Variants in CACNA1B observed in about 807,000 individuals in gnomAD.
CACNA1B encodes the protein voltage-dependent N-type calcium channel subunit alpha-1B.
Under a neutral mutation model 247.2 loss-of-function variants are expected in CACNA1B, and 70 were observed. The ratio of observed to expected loss-of-function variants is 0.28; its 90% CI spans 0.23 to 0.35. The LOEUF (loss-of-function observed/expected upper bound fraction) is 0.35. CACNA1B is among the 10% of genes least tolerant of loss of function. The pLI is 1.00. For synonymous variants in CACNA1B, 1,231 were observed against 1,294.4 expected (o/e 0.95, Z 1.05); for missense variants, 2,367 against 3,197.4 (o/e 0.74, Z 6.26).
chr9:137,978,170 G>C (rs1259339062), intron 12 of CACNA1B, among the ~76,000 whole-genome samples: 1 of 142,722 alleles, frequency 7.0e-6, no homozygotes, highest in Non-Finnish European at 1.5e-5. Flanking sequence ...CCCCCAGGAA[G>C]GAGTGACAGG....
chr9:138,055,385 C>T (rs1015418970), intron 26 of CACNA1B, among the ~76,000 whole-genome samples: 2 of 152,132 alleles, frequency 1.3e-5, no homozygotes, highest in African/African-American at 4.8e-5. Flanking sequence ...TTGCCTCGGC[C>T]TCCTAGAGTG....
At chr9:137,912,514 C>A (rs1456214388) in intron 3 of CACNA1B, among the ~76,000 whole-genome samples, 1 of 152,166 alleles carries the variant, frequency 6.6e-6, no homozygotes, top group African/African-American at 2.4e-5. Flanking sequence ...AGGATTGACA[C>A]CATCCGTGAG....
chr9:137,915,300 G>C, intron 5 of CACNA1B, among the ~76,000 whole-genome samples: 1 of 152,224 alleles, frequency 6.6e-6, no homozygotes, highest in Non-Finnish European at 1.5e-5. Context: ...GTGAGGTGTG[G>C]CATCTTCTGA....
chr9:138,020,191 C>G lies in CACNA1B; in HGVS notation c.2268-2820C>G, dbSNP rs1041132492. Among the ~76,000 whole-genome samples the G allele has an allele frequency of 6.6e-6, 1 of 152,008 alleles. No individual in the cohort carries two copies. Among genetic ancestry groups the G allele is most frequent in the Non-Finnish European group, 1.5e-5 (1 of 68,006 alleles). ...TGTCAGCAGTTCCGGGTTGTCTGAG[C>G]CCAGAGACCTCAAAGCAGGGCCACA... On this transcript the variant is annotated intron_variant, in intron 18 of 46. Coordinates refer to ENST00000371372, the MANE Select transcript of CACNA1B (RefSeq NM_000718.4). This position sits in a 1 kb window ranked among gnomAD's most constrained non-coding sequence, Gnocchi z 4.1.
chr9:137,947,096 G>A lies in CACNA1B; in HGVS notation c.967-5178G>A, dbSNP rs980195611. Among the ~76,000 whole-genome samples the A allele has an allele frequency of 3.9e-5, 6 of 152,222 alleles. No individual in the cohort carries two copies. The East Asian group carries it at 1.2e-3, about 29-fold the overall frequency. On this transcript the variant is annotated intron_variant, in intron 6 of 46. Transcript: ENST00000371372. ...ACTACTCTCTAGAGGTTTCCCATTGGTTACTTGGTTACACTCTATGTAAAT... is the reference window on the plus strand; with the variant it reads ...ACTACTCTCTAGAGGTTTCCCATTGATTACTTGGTTACACTCTATGTAAAT...
At chr9:138,079,841 C>T (rs1444280824) in intron 36 of CACNA1B, among the ~76,000 whole-genome samples, 1 of 148,546 alleles carries the variant, frequency 6.7e-6, no homozygotes, top group East Asian at 2.0e-4. Flanking sequence ...CGCCACTATA[C>T]TCCAGCCTGG....
intron 15 of CACNA1B, among the ~76,000 whole-genome samples, chr9:137,989,630 G>T (rs1958408579): frequency 6.6e-6 from 1 of 152,184 alleles, no homozygotes; most frequent in Non-Finnish European, 1.5e-5. Flanking sequence ...ATGCCAGAGG[G>T]TCATGGAGAA....
At position 137,913,734 on chromosome 9, in the gene CACNA1B, G is replaced by T. The variant is rs574043534; in HGVS notation, c.622+463G>T. Among the ~76,000 whole-genome samples the T allele has an allele frequency of 6.6e-6, 1 of 152,226 alleles. No individual in the cohort carries two copies. Among genetic ancestry groups the T allele is most frequent in the South Asian group, 2.1e-4 (1 of 4,834 alleles). On this transcript the variant is annotated intron_variant, in intron 4 of 46. Transcript: ENST00000371372. The surrounding 1 kb of genome is among the most constrained non-coding windows in gnomAD (Gnocchi z 5.2). ...CTGAAGTGGGCTGCCCACAGAGCCTGCCATGAGCAGGAGGATGGCCAGGGT... is the reference window on the plus strand; with the variant it reads ...CTGAAGTGGGCTGCCCACAGAGCCTTCCATGAGCAGGAGGATGGCCAGGGT...
intron 20 of CACNA1B, among the ~76,000 whole-genome samples, chr9:138,039,375 G>T (rs1443631691): frequency 6.6e-6 from 1 of 151,914 alleles, no homozygotes; most frequent in African/African-American, 2.4e-5. Flanking sequence ...AAATGGTATT[G>T]TTTAAAAGTT....
Position 137,899,019 on chromosome 9 carries a change from G to A in CACNA1B, c.531-14161G>A, listed in dbSNP as rs962538211. 8.6e-5 allele frequency among the ~76,000 whole-genome samples: 13 copies of A among 151,854 alleles called. No individual in the cohort carries two copies. The highest frequency in any genetic ancestry group is 3.1e-4 in the African/African-American group (13 of 41,350). ...ACTCCTGGACTCAAGCAGTCCTCCC[G>A]CCTCAGCTTTCCAAAGTGCTGGGAT... On this transcript the variant is annotated intron_variant, in intron 3 of 46. Coordinates refer to ENST00000371372, the MANE Select transcript of CACNA1B (RefSeq NM_000718.4). The surrounding 1 kb of genome is among the most constrained non-coding windows in gnomAD (Gnocchi z 5.0).
At chr9:138,090,411 G>T (rs1960836472) in intron 36 of CACNA1B, among the ~76,000 whole-genome samples, 1 of 151,852 alleles carries the variant, frequency 6.6e-6, no homozygotes, top group Admixed American at 6.6e-5. Context: ...ACTCAAAATG[G>T]ATCAAAGACT....
rs35987844 is a variant in CACNA1B, at chr9:138,121,417, C to CTTTT, written c.6490-37_6490-34dup. 4.7e-5 allele frequency: 41 copies of CTTTT among 866,578 alleles called. No individual in the cohort carries two copies. Among genetic ancestry groups the CTTTT allele is most frequent in the Admixed American group, 2.0e-4 (6 of 29,632 alleles). The allele number at this position is 866,578 out of a possible 1,614,324, so 53.7% of individuals were successfully genotyped here. On this transcript the variant is annotated intron_variant, in intron 46 of 46. Transcript: ENST00000371372. The surrounding 1 kb of genome is among the most constrained non-coding windows in gnomAD (Gnocchi z 6.8). ...TGATGTGCTCTGTCTGTTGGTTCGG[C>CTTTT]TTTTTTTTTTTTTTTTTTACCTCTG...
intron 6 of CACNA1B, among the ~76,000 whole-genome samples, chr9:137,944,833 A>G (rs1405066859): frequency 6.6e-6 from 1 of 152,030 alleles, no homozygotes; most frequent in East Asian, 1.9e-4. Flanking sequence ...CTTAGCTGGA[A>G]CCCCGAATTT....
At position 138,123,543 on chromosome 9, in the gene CACNA1B, CAAAG is replaced by C. The variant is rs899264546; in HGVS notation, c.*1548_*1551del. 61 of 143,236 alleles carry C rather than the reference CAAAG, an allele frequency of 4.3e-4. No homozygotes were observed. Among genetic ancestry groups the C allele is most frequent in the African/African-American group, 1.4e-3 (55 of 38,226 alleles). The allele number at this position is 143,236 out of a possible 1,614,324, so 8.9% of individuals were successfully genotyped here. ...TTGGCTTCTACCCCATGATTCTCCTCAAAGAAATTGTGTGTGATGTGTGTGTGTG... is the reference window on the plus strand; with the variant it reads ...TTGGCTTCTACCCCATGATTCTCCTCAAATTGTGTGTGATGTGTGTGTGTG... On this transcript the variant is annotated 3_prime_UTR_variant, in exon 47 of 47. Coordinates refer to ENST00000371372, the MANE Select transcript of CACNA1B (RefSeq NM_000718.4).
In CACNA1B at chr9:138,054,066, A is replaced by G; in HGVS notation, c.3968+60A>G. On this transcript the variant is annotated intron_variant, in intron 26 of 46. Transcript: ENST00000371372. The surrounding 1 kb of genome is among the most constrained non-coding windows in gnomAD (Gnocchi z 4.6). ...GCCCCATGATGCAGACAACACTGGG[A>G]GTTCCCTTGGGACCAGGTGGAGCTG... 6.6e-7 allele frequency: 1 copy of G among 1,517,656 alleles called. No homozygotes were observed. Among genetic ancestry groups the G allele is most frequent in the Non-Finnish European group, 9.1e-7 (1 of 1,095,068 alleles). 94.0% of individuals were successfully genotyped at this position (1,517,656 alleles called of 1,614,324 possible).
intron 41 of CACNA1B, 34 bp downstream of exon 41, chr9:138,114,524 G>A: frequency 9.0e-7 from 1 of 1,110,970 alleles, no homozygotes; most frequent in African/African-American, 1.5e-5. Flanking sequence ...CAGGAAAACT[G>A]TGATGCCTCC....
At chr9:137,923,817 CTT>C (rs1211747605) in intron 6 of CACNA1B, among the ~76,000 whole-genome samples, 3 of 152,116 alleles carry the variant, frequency 2.0e-5, no homozygotes, top group East Asian at 3.8e-4. Flanking sequence ...GGTGGTGACA[CTT>C]TTTTATTTTA....
At chr9:137,930,730 T>A (rs537388020) in intron 6 of CACNA1B, among the ~76,000 whole-genome samples, 2 of 152,302 alleles carry the variant, frequency 1.3e-5, no homozygotes, top group East Asian at 3.9e-4. Flanking sequence ...CTCTTTTCAG[T>A]TCTGTCAGTT....
At chr9:137,895,237 C>T (rs770709603) in intron 3 of CACNA1B, among the ~76,000 whole-genome samples, 1 of 152,156 alleles carries the variant, frequency 6.6e-6, no homozygotes, top group Non-Finnish European at 1.5e-5. Context: ...GTCCTGATCA[C>T]GGTAGTTATG....
Sources: gnomAD v4.1 joint callset for allele counts (sites outside exome capture counted in the v4.1 genomes callset) on GRCh38, gnomAD v4.1.1 for gene constraint, Gnocchi (gnomAD v3.1) non-coding constraint, MANE v1.5 for transcripts, NCBI Gene and HGNC (gene_info 2026-07-23, HGNC 2026-07-21) for gene names.